Variants in EPC2 observed in about 807,000 individuals in gnomAD.
EPC2 encodes enhancer of polycomb 2, also known as enhancer of polycomb homolog 2.
EPC2 carries 14 observed loss-of-function variants against 92.1 expected under a neutral mutation model. That is an observed-to-expected ratio of 0.15 (90% CI 0.10 to 0.24). The LOEUF (loss-of-function observed/expected upper bound fraction) is 0.24. EPC2 is among the 10% of genes least tolerant of loss of function. EPC2 has a pLI of 1.00. For missense variants in EPC2, 755 were observed against 971.5 expected (o/e 0.78, Z 2.96); for synonymous variants, 340 against 334.7 (o/e 1.02, Z -0.17).
chr2:148,753,115 C>T (rs886722701), intron 3 of EPC2, among the ~76,000 whole-genome samples: 1 of 152,126 alleles, frequency 6.6e-6, no homozygotes, highest in African/African-American at 2.4e-5. Context: ...TTGTCTTATC[C>T]GATCTCGAGG....
chr2:148,701,063 C>T (rs533923022), intron 2 of EPC2, among the ~76,000 whole-genome samples: 12 of 151,978 alleles, frequency 7.9e-5, no homozygotes, highest in Admixed American at 2.6e-4. Context: ...TTTCAAATAC[C>T]GAGTGTTCAT....
At chr2:148,767,137 G>A (rs1435641110) in intron 7 of EPC2, among the ~76,000 whole-genome samples, 2 of 151,076 alleles carry the variant, frequency 1.3e-5, no homozygotes, top group Non-Finnish European at 1.5e-5. Flanking sequence ...GATGAAGGTT[G>A]CTGTGAGCCA....
chr2:148,721,890 C>CTTTTTTTTTTTTTTTTTT, intron 2 of EPC2, among the ~76,000 whole-genome samples: 10 of 60,772 alleles, frequency 1.6e-4, no homozygotes, highest in Admixed American at 4.9e-4. Flanking sequence ...GTTTTGATTT[C>CTTTTTTTTTTTTTTTTTT]TTTTTTTTTT....
rs1443399942 is a variant in EPC2, at chr2:148,783,899, GA to G, written c.2017+146del. 10 of 798,382 alleles carry G rather than the reference GA, an allele frequency of 1.3e-5. No homozygotes were observed. The African/African-American group carries it at 1.7e-4, about 14-fold the overall frequency. The allele number at this position is 798,382 out of a possible 1,614,324, so 49.5% of individuals were successfully genotyped here. ...TAGGATTTCTTTGGAAAGATAGTGG[GA>G]AATAGGTAGATGTTTTCTAGAATTC... On this transcript the variant is annotated intron_variant, in intron 12 of 13. Coordinates refer to ENST00000258484, the MANE Select transcript of EPC2 (RefSeq NM_015630.4).
intron 1 of EPC2, among the ~76,000 whole-genome samples, chr2:148,648,727 A>G (rs1683855888): frequency 6.6e-6 from 1 of 152,222 alleles, no homozygotes; most frequent in Non-Finnish European, 1.5e-5. Context: ...TATATAAACA[A>G]AGTCATTATT....
intron 10 of EPC2, among the ~76,000 whole-genome samples, chr2:148,776,465 T>C (rs1193196378): frequency 3.3e-5 from 5 of 152,202 alleles, no homozygotes; most frequent in African/African-American, 1.2e-4. Flanking sequence ...CTCAGTTGAT[T>C]TGTTAGTTTG....
At chr2:148,738,987 G>A (rs1261512870) in intron 2 of EPC2, among the ~76,000 whole-genome samples, 1 of 152,132 alleles carries the variant, frequency 6.6e-6, no homozygotes. Flanking sequence ...ATGTAGTGGA[G>A]GGCTGACTAG....
intron 2 of EPC2, chr2:148,691,562 C>G (rs1309662297): frequency 6.4e-7 from 1 of 1,550,392 alleles, no homozygotes; most frequent in African/African-American, 1.4e-5. Flanking sequence ...TCTTAAATTG[C>G]TGTTGTTCAG....
chr2:148,671,172 G>A (rs988455872), intron 1 of EPC2, among the ~76,000 whole-genome samples: 2 of 151,990 alleles, frequency 1.3e-5, no homozygotes, highest in South Asian at 4.1e-4. Context: ...GCTGTTATTA[G>A]TGTGTTTTTA....
intron 2 of EPC2, among the ~76,000 whole-genome samples, chr2:148,721,890 C>CT: frequency 0.069 from 4,204 of 60,708 alleles, 423 homozygotes; most frequent in East Asian, 0.15. Context: ...GTTTTGATTT[C>CT]TTTTTTTTTT....
intron 1 of EPC2, among the ~76,000 whole-genome samples, chr2:148,649,178 A>G (rs963913837): frequency 3.3e-5 from 5 of 152,194 alleles, no homozygotes; most frequent in Admixed American, 6.5e-5. Context: ...TATTTCATTT[A>G]ATCCTTTTTT....
rs184515714 is a variant in EPC2 at position 148,782,715 on chromosome 2, A to G, written c.1858-882A>G. Among the ~76,000 whole-genome samples, 7 of 151,692 alleles carry G rather than the reference A, an allele frequency of 4.6e-5. No individual in the cohort carries two copies. In the East Asian group the frequency reaches 1.4e-3, roughly 30 times the overall value. On this transcript the variant is annotated intron_variant, in intron 11 of 13. Coordinates refer to ENST00000258484, the MANE Select transcript of EPC2 (RefSeq NM_015630.4). ...GCCAACACCTTGATTTTAACCCCATAAGCTTCATTGTGGACTTCTGGCCTG... is the reference window on the plus strand; with the variant it reads ...GCCAACACCTTGATTTTAACCCCATGAGCTTCATTGTGGACTTCTGGCCTG...
chr2:148,784,553 A>G, intron 12 of EPC2, 115 bp from the exon 13 acceptor site: 1 of 792,354 alleles, frequency 1.3e-6, no homozygotes, highest in East Asian at 2.7e-5. Context: ...AGTGTGTGAA[A>G]AGTTAACTTG....
At chr2:148,781,021 G>A (rs1278063948) in intron 10 of EPC2, among the ~76,000 whole-genome samples, 1 of 152,072 alleles carries the variant, frequency 6.6e-6, no homozygotes, top group East Asian at 1.9e-4. Context: ...TACATCTGAG[G>A]ATACATAGTA....
chr2:148,737,123 GT>G (rs147383639), intron 2 of EPC2, among the ~76,000 whole-genome samples: 1,523 of 152,100 alleles, frequency 0.01, 25 homozygotes, highest in African/African-American at 0.034. Context: ...CTAATTTCAG[GT>G]TTTTTTGTTT....
intron 4 of EPC2, among the ~76,000 whole-genome samples, chr2:148,757,114 C>T (rs533800813): frequency 2.0e-4 from 31 of 151,924 alleles, no homozygotes; most frequent in East Asian, 1.2e-3. Flanking sequence ...TGGTGGCTCA[C>T]GCCTGTAATC....
rs544229485 is a variant in EPC2, at chr2:148,787,266, C to T, written c.*889C>T. The T allele has an allele frequency of 6.8e-6, 1 of 147,912 alleles. No homozygotes were observed. Among genetic ancestry groups the T allele is most frequent in the South Asian group, 2.2e-4 (1 of 4,610 alleles). 9.2% of individuals were successfully genotyped at this position (147,912 alleles called of 1,614,324 possible). ...TATCATTGCAATAATTATTGGAAGT[C>T]TAGATATCGAGCCATCCCAGGTGTT... On this transcript the variant is annotated 3_prime_UTR_variant, in exon 14 of 14. Transcript: ENST00000258484.
At chr2:148,685,384 G>A (rs1226510656) in intron 1 of EPC2, among the ~76,000 whole-genome samples, 1 of 151,996 alleles carries the variant, frequency 6.6e-6, no homozygotes, top group African/African-American at 2.4e-5. Context: ...AGATATTGTA[G>A]GTTTGGTTCC....
rs553764806 is a variant in EPC2, at chr2:148,680,401, G to A, written c.154-9813G>A. Among the ~76,000 whole-genome samples, 11 of 152,148 alleles carry A rather than the reference G, an allele frequency of 7.2e-5. No individual in the cohort carries two copies. In the East Asian group the frequency reaches 1.9e-3, roughly 27 times the overall value. On this transcript the variant is annotated intron_variant, in intron 1 of 13. Transcript: ENST00000258484. ...AGTTCTCAATAACAGGATAATATCC[G>A]GTGTTTAATAGGTGTTCTCAAGTGT...
Sources: gnomAD v4.1 joint callset for allele counts (sites outside exome capture counted in the v4.1 genomes callset) on GRCh38, gnomAD v4.1.1 for gene constraint, MANE v1.5 for transcripts, NCBI Gene and HGNC (gene_info 2026-07-23, HGNC 2026-07-21) for gene names.